The following FRMD5 variants were observed in gnomAD, a reference collection of about 807,000 sequenced individuals.
FRMD5 encodes FERM domain containing 5.
FRMD5 carries 20 observed loss-of-function variants against 69.0 expected under a neutral mutation model. The observed-to-expected ratio is 0.29, with a 90% CI of 0.20 to 0.42. The LOEUF is 0.42. Among genes scored for constraint, FRMD5 ranks in the 10% least tolerant of loss-of-function variants. The probability of loss-of-function intolerance (pLI) is 1.00; values close to 1 mark genes in which losing one functional copy is unlikely to be tolerated. For missense variants in FRMD5, 595 were observed against 708.6 expected, an observed-to-expected ratio of 0.84 and a Z score of 1.82; for synonymous variants, 271 against 260.1, an observed-to-expected ratio of 1.04 and a Z score of -0.40.
intron 1 of FRMD5, among the ~76,000 whole-genome samples, chr15:44,041,813 C>T (rs1332436354): frequency 1.3e-5 from 2 of 152,010 alleles, no homozygotes; most frequent in Non-Finnish European, 2.9e-5. Flanking sequence ...GACTAGATGC[C>T]CACAAGAGAA....
rs554688001 is a variant in FRMD5 at position 43,992,900 on chromosome 15, C to T, written c.103-68591G>A. Among the ~76,000 whole-genome samples the T allele has an allele frequency of 4.6e-5, 7 of 152,176 alleles. No individual in the cohort carries two copies. In the South Asian group the frequency reaches 1.5e-3, roughly 32 times the overall value. ...CTTTTTTTGATGTAGATGTTTATTG[C>T]TACAAACTCACCCCTTAGCACTGCT... On this transcript the variant is annotated intron_variant, in intron 1 of 13. Coordinates refer to ENST00000417257, the MANE Select transcript of FRMD5 (RefSeq NM_032892.5).
intron 1 of FRMD5, among the ~76,000 whole-genome samples, chr15:44,094,686 C>T (rs1338474983): frequency 6.6e-6 from 1 of 152,080 alleles, no homozygotes; most frequent in Non-Finnish European, 1.5e-5. Context: ...AATGTAAACC[C>T]AAAGCCTATG....
chr15:43,958,923 A>G (rs2090155690), intron 1 of FRMD5, among the ~76,000 whole-genome samples: 1 of 152,180 alleles, frequency 6.6e-6, no homozygotes, highest in Non-Finnish European at 1.5e-5. Flanking sequence ...AACTGTGTGC[A>G]TCTCTGCTGG....
At chr15:44,042,961 T>G (rs1429125552) in intron 1 of FRMD5, among the ~76,000 whole-genome samples, 1 of 152,164 alleles carries the variant, frequency 6.6e-6, no homozygotes, top group Non-Finnish European at 1.5e-5. Flanking sequence ...TAAAGGGTAT[T>G]CAATTAGGAA....
At chr15:44,021,311 ATAGTT>A (rs1214783414) in intron 1 of FRMD5, among the ~76,000 whole-genome samples, 1 of 152,166 alleles carries the variant, frequency 6.6e-6, no homozygotes, top group African/African-American at 2.4e-5. Context: ...TTTAGTTCAT[ATAGTT>A]TAATTTTTAA....
chr15:43,922,913 G>A (rs541407284), intron 2 of FRMD5, among the ~76,000 whole-genome samples: 7 of 152,186 alleles, frequency 4.6e-5, no homozygotes, highest in South Asian at 4.2e-4. Flanking sequence ...GAAACAATCC[G>A]CCTGCCTTAG....
chr15:44,165,168 C>T (rs1566979960), intron 1 of FRMD5, among the ~76,000 whole-genome samples: 1 of 152,224 alleles, frequency 6.6e-6, no homozygotes, highest in Admixed American at 6.5e-5. Context: ...CCTGTAATTC[C>T]AGCACTTTGG....
At chr15:44,042,256 CCAA>C (rs1423125871) in intron 1 of FRMD5, among the ~76,000 whole-genome samples, 15 of 152,218 alleles carry the variant, frequency 9.9e-5, no homozygotes, top group Admixed American at 7.2e-4. Flanking sequence ...CCTGAATAGA[CCAA>C]CAACAAGTTC....
chr15:44,019,651 C>T (rs546520987), intron 1 of FRMD5, among the ~76,000 whole-genome samples: 7 of 148,328 alleles, frequency 4.7e-5, no homozygotes, highest in East Asian at 4.1e-4. Flanking sequence ...GCAGGACAAT[C>T]GCCTGAACCC....
chr15:44,072,166 G>A lies in FRMD5; in HGVS notation c.102+122787C>T, dbSNP rs142710019. 2.7e-3 allele frequency among the ~76,000 whole-genome samples: 404 copies of A among 152,176 alleles called. 2 individuals are homozygous for A. Among genetic ancestry groups the A allele is most frequent in the African/African-American group, 9.5e-3 (393 of 41,556 alleles). On this transcript the variant is annotated intron_variant, in intron 1 of 13. Coordinates refer to ENST00000417257, the MANE Select transcript of FRMD5 (RefSeq NM_032892.5). ...CAGGTGTGAGCCACCCCACCCAGCC[G>A]AGTTCTTAAAACTTTAAAATTTTTC...
intron 1 of FRMD5, among the ~76,000 whole-genome samples, chr15:43,998,817 G>A (rs927421680): frequency 9.9e-5 from 15 of 152,148 alleles, no homozygotes; most frequent in African/African-American, 2.7e-4. Context: ...GAAAGACTCC[G>A]CATTCCAAGA....
intron 1 of FRMD5, among the ~76,000 whole-genome samples, chr15:43,986,370 T>C (rs1889393205): frequency 6.6e-6 from 1 of 152,208 alleles, no homozygotes; most frequent in South Asian, 2.1e-4. Flanking sequence ...AATAGGGTTA[T>C]AGAAGAAATA....
At chr15:43,890,494 G>C (rs1242930650) in intron 8 of FRMD5, among the ~76,000 whole-genome samples, 2 of 152,178 alleles carry the variant, frequency 1.3e-5, no homozygotes, top group Non-Finnish European at 2.9e-5. Flanking sequence ...CAGCTACTCT[G>C]GTTGGAATGT....
chr15:44,111,586 T>C (rs1423257577), intron 1 of FRMD5, among the ~76,000 whole-genome samples: 1 of 152,208 alleles, frequency 6.6e-6, no homozygotes, highest in Non-Finnish European at 1.5e-5. Context: ...AAAGGACTCA[T>C]AACTTTCTCT....
intron 1 of FRMD5, among the ~76,000 whole-genome samples, chr15:44,167,322 C>T (rs1440628422): frequency 1.3e-5 from 2 of 151,684 alleles, no homozygotes; most frequent in Non-Finnish European, 2.9e-5. Context: ...GAGCCAAGAT[C>T]GCATCACTGC....
intron 1 of FRMD5, among the ~76,000 whole-genome samples, chr15:44,068,979 A>G (rs754236143): frequency 1.3e-5 from 2 of 152,170 alleles, no homozygotes; most frequent in Non-Finnish European, 2.9e-5. Flanking sequence ...TCAAAATCCA[A>G]TAATAAAAAC....
intron 1 of FRMD5, among the ~76,000 whole-genome samples, chr15:44,034,296 T>C (rs1030799880): frequency 1.3e-5 from 2 of 152,274 alleles, no homozygotes; most frequent in East Asian, 3.8e-4. Context: ...GAATGATTAC[T>C]GTTCATTCAA....
intron 1 of FRMD5, among the ~76,000 whole-genome samples, chr15:43,982,129 A>G (rs1052928334): frequency 2.6e-5 from 4 of 152,178 alleles, no homozygotes; most frequent in African/African-American, 7.2e-5. Flanking sequence ...CATAGGGTTG[A>G]CATCCTTCCA....
rs762935838 is a variant in FRMD5 at position 43,873,976 on chromosome 15, A to G, written c.1622T>C (p.Phe541Ser). 1 of 1,614,216 alleles carries G rather than the reference A, an allele frequency of 6.2e-7. No individual in the cohort carries two copies. The highest frequency in any genetic ancestry group is 8.5e-7 in the Non-Finnish European group (1 of 1,180,036). Residue 541 changes from phenylalanine to serine, a missense_variant, in exon 14 of 14, where the codon TTT becomes TCT. By Grantham distance (155) the Phe-to-Ser change is radical. Coordinates refer to ENST00000417257, the MANE Select transcript of FRMD5 (RefSeq NM_032892.5). The stretch of plus-strand genomic sequence containing the variant: ...AAAGTATTGATAGTGGAATTGTTCA[A>G]ACTCGGGGGTCTGGCGGATATCACG... ...FFRDIRQTPE[F>S]EQFHYQYFCP... is the part of the protein sequence containing the mutation.
Sources: allele counts gnomAD v4.1 joint callset (sites outside exome capture counted in the v4.1 genomes callset), GRCh38; gene constraint gnomAD v4.1.1; transcripts MANE v1.5; gene names NCBI Gene and HGNC (gene_info 2026-07-23, HGNC 2026-07-21).